The following HGF variants were observed in gnomAD, a reference collection of about 807,000 sequenced individuals.
The protein encoded by HGF is hepatocyte growth factor.
HGF carries 39 observed loss-of-function variants against 111.6 expected under a neutral mutation model. That is an observed-to-expected ratio of 0.35 (90% confidence interval 0.27 to 0.46). HGF has a LOEUF of 0.46. HGF is among the 20% of genes least tolerant of loss of function. The pLI, the probability that HGF is intolerant of heterozygous loss-of-function variation, is 1.00. For missense variants in HGF, 735 were observed against 910.5 expected, an observed-to-expected ratio of 0.81 and a Z score of 2.48; for synonymous variants, 285 against 294.8, an observed-to-expected ratio of 0.97 and a Z score of 0.34.
At chr7:81,760,030 T>C (rs960818232) in intron 2 of HGF, among the ~76,000 whole-genome samples, 1 of 152,230 alleles carries the variant, frequency 6.6e-6, no homozygotes, top group Admixed American at 6.5e-5. Flanking sequence ...TCATTCACTC[T>C]TTCTCTCGTT....
At chr7:81,759,108 T>C (rs1285017086) in intron 2 of HGF, among the ~76,000 whole-genome samples, 1 of 152,160 alleles carries the variant, frequency 6.6e-6, no homozygotes, top group South Asian at 2.1e-4. Flanking sequence ...AAAATCAATA[T>C]GTAACACAAC....
At chr7:81,758,927 T>C (rs1788925245) in intron 2 of HGF, 123 bp from the exon 3 acceptor site, 1 of 611,358 alleles carries the variant, frequency 1.6e-6, no homozygotes, top group Non-Finnish European at 2.9e-6. Flanking sequence ...CATAATTACA[T>C]ATACATAATA....
chr7:81,720,932 GA>G (rs561726769), intron 9 of HGF, 85 bp from the exon 10 acceptor site: 1 of 780,132 alleles, frequency 1.3e-6, no homozygotes, highest in South Asian at 1.4e-5. Context: ...ATGGAATCAT[GA>G]AATCAACATA....
Position 81,723,603 on chromosome 7 carries a change from C to T in HGF, c.1168+2287G>A, listed in dbSNP as rs183382537. 2.4e-3 allele frequency among the ~76,000 whole-genome samples: 367 copies of T among 150,848 alleles called. 1 individual carries two copies. Among genetic ancestry groups the T allele is most frequent in the African/African-American group, 8.5e-3 (349 of 41,248 alleles). On this transcript the variant is annotated intron_variant, in intron 9 of 17. Coordinates refer to ENST00000222390, the MANE Select transcript of HGF (RefSeq NM_000601.6). ...TATATAATATGTAGTGTTTTATCAA[C>T]ATTTTAAAGAAATTCTGTAATTTCA... is the stretch of plus-strand genomic sequence containing the variant.
chr7:81,724,642 C>T (rs779078869), intron 9 of HGF, among the ~76,000 whole-genome samples: 10 of 151,968 alleles, frequency 6.6e-5, no homozygotes, highest in Non-Finnish European at 1.2e-4. Flanking sequence ...TGTGTGTCAC[C>T]GGGGTTGGGT....
At chr7:81,758,888 TGGGC>T in intron 2 of HGF, 84 bp from the exon 3 acceptor site, 9 of 853,490 alleles carry the variant, frequency 1.1e-5, no homozygotes, top group Non-Finnish European at 1.6e-5. Context: ...ATCTTGTCCA[TGGGC>T]ATATGGACAA....
intron 12 of HGF, 84 bp from the exon 13 acceptor site, chr7:81,710,327 A>G: frequency 1.1e-6 from 1 of 876,006 alleles, no homozygotes; most frequent in Non-Finnish European, 1.9e-6. Context: ...TGCAATGATA[A>G]TTACACAAAT....
intron 3 of HGF, among the ~76,000 whole-genome samples, chr7:81,757,895 G>T (rs188000436): frequency 1.3e-5 from 2 of 151,844 alleles, no homozygotes; most frequent in Non-Finnish European, 2.9e-5. Context: ...AAGTAAGAAT[G>T]GTGTTATACT....
intron 5 of HGF, among the ~76,000 whole-genome samples, chr7:81,749,621 A>G (rs1253984595): frequency 6.6e-6 from 1 of 152,072 alleles, no homozygotes; most frequent in Non-Finnish European, 1.5e-5. Flanking sequence ...TTAAATGTAC[A>G]ATATAATATT....
chr7:81,721,173 G>T (rs1395396259), intron 9 of HGF, among the ~76,000 whole-genome samples: 2 of 152,162 alleles, frequency 1.3e-5, no homozygotes, highest in Non-Finnish European at 2.9e-5. Flanking sequence ...CGTGAACCCG[G>T]GAGGCGGAGC....
Position 81,707,351 on chromosome 7 carries a change from A to G in HGF, c.1555T>C (p.Cys519Arg). 1 of 1,592,408 alleles carries G rather than the reference A, an allele frequency of 6.3e-7. No homozygotes were observed. The highest frequency in any genetic ancestry group is 8.6e-7 in the Non-Finnish European group (1 of 1,160,760). The part of the protein sequence containing the change: ...VSLRYRNKHI[C>R]GGSLIKESWV... ...CTCTCCTTTATCAATGATCCTCCGC[A>G]GATATGTTTATTTCTGTGAAAAAGA... Residue 519 changes from cysteine to arginine, a missense_variant, in exon 14 of 18, where the codon TGC becomes CGC. Around this residue, in one of 3 missense-constraint regions of HGF, gnomAD observed 553 missense variants for 685.6 expected, o/e 0.81. Transcript: ENST00000222390.
intron 11 of HGF, among the ~76,000 whole-genome samples, chr7:81,713,022 A>G (rs1048704970): frequency 6.6e-6 from 1 of 152,186 alleles, no homozygotes; most frequent in African/African-American, 2.4e-5. Flanking sequence ...GACTATGGTA[A>G]CAAAACTTCA....
chr7:81,736,424 G>T (rs554382985), intron 7 of HGF, among the ~76,000 whole-genome samples: 7 of 152,010 alleles, frequency 4.6e-5, no homozygotes, highest in African/African-American at 1.2e-4. Flanking sequence ...CTGAACAATG[G>T]CCCCAAGGCA....
At chr7:81,742,573 G>T (rs1317807615) in intron 7 of HGF, 3 of 393,640 alleles carry the variant, frequency 7.6e-6, no homozygotes, top group Non-Finnish European at 1.1e-5. Context: ...AAAAAAATTA[G>T]CCCTGTATTC....
intron 9 of HGF, among the ~76,000 whole-genome samples, chr7:81,723,752 A>AT (rs932880599): frequency 1.3e-5 from 2 of 150,702 alleles, no homozygotes; most frequent in Non-Finnish European, 3.0e-5. Context: ...TAGAACTTAT[A>AT]TTTTCTGTTT....
chr7:81,715,895 C>A (rs1351265312), intron 11 of HGF, among the ~76,000 whole-genome samples: 1 of 151,924 alleles, frequency 6.6e-6, no homozygotes, highest in East Asian at 1.9e-4. Context: ...ATTCTTAAAA[C>A]AAAGTTTTTA....
chr7:81,751,967 T>C, intron 5 of HGF, 153 bp downstream of exon 5: 1 of 1,437,218 alleles, frequency 7.0e-7, no homozygotes, highest in Non-Finnish European at 9.1e-7. Flanking sequence ...TTTAAAAACA[T>C]TGTATAAAAA....
At chr7:81,750,878 C>G (rs1583989131) in intron 5 of HGF, 1 of 771,694 alleles carries the variant, frequency 1.3e-6, no homozygotes, top group African/African-American at 1.9e-5. Context: ...CTTATTCATA[C>G]AAAACAGACT....
At position 81,705,547 on chromosome 7, in the gene HGF, C is replaced by T. The variant is rs779495509; in HGVS notation, c.1865-12G>A. On this transcript the variant is annotated splice_polypyrimidine_tract_variant and intron_variant, in intron 16 of 17. Coordinates refer to ENST00000222390, the MANE Select transcript of HGF (RefSeq NM_000601.6). ...ATCATAGTTGATCACTAGATTGATG[C>T]AAAAAACATACAATAAGGTGAGAAA... 5.1e-5 allele frequency: 82 copies of T among 1,610,830 alleles called. No homozygotes were observed. The highest frequency in any genetic ancestry group is 6.5e-5 in the Non-Finnish European group (77 of 1,177,946).
Sources: gnomAD v4.1 joint callset for allele counts (sites outside exome capture counted in the v4.1 genomes callset) on GRCh38, gnomAD v4.1.1 for gene constraint, gnomAD v4.1.1 regional missense constraint, MANE v1.5 for transcripts, NCBI Gene and HGNC (gene_info 2026-07-23, HGNC 2026-07-21) for gene names.